ATP8A2: variants seen among roughly 807,000 people sequenced by gnomAD.
The protein encoded by ATP8A2 is ATPase phospholipid transporting 8A2.
In ATP8A2, 100 loss-of-function variants were observed where a neutral mutation model predicts 165.6. The observed-to-expected ratio is 0.60, with a 90% CI of 0.51 to 0.71. The LOEUF is 0.71. ATP8A2 is among the 30% of genes least tolerant of loss of function. The pLI, the probability that ATP8A2 is intolerant of heterozygous loss-of-function variation, is 0.00. For synonymous variants in ATP8A2, 543 were observed against 548.8 expected (o/e 0.99, Z 0.15); for missense variants, 1,227 against 1,479.5 (o/e 0.83, Z 2.80).
intron 33 of ATP8A2, among the ~76,000 whole-genome samples, chr13:25,917,026 A>G (rs964239676): frequency 4.6e-5 from 7 of 152,072 alleles, no homozygotes; most frequent in African/African-American, 2.4e-5. Context: ...TCTCACTTCA[A>G]AGTCCTTAAA....
At chr13:25,667,432 A>T (rs1331014778) in intron 24 of ATP8A2, among the ~76,000 whole-genome samples, 3 of 152,180 alleles carry the variant, frequency 2.0e-5, no homozygotes, top group East Asian at 3.9e-4. Context: ...ATTAATTTTC[A>T]TGAGAAAGGA....
intron 30 of ATP8A2, among the ~76,000 whole-genome samples, chr13:25,850,241 C>T (rs545401753): frequency 1.3e-5 from 2 of 152,298 alleles, no homozygotes; most frequent in East Asian, 1.9e-4. Flanking sequence ...CGGGTGTCTG[C>T]GAGGAAGAGC....
intron 24 of ATP8A2, among the ~76,000 whole-genome samples, chr13:25,648,691 G>A (rs898240467): frequency 1.3e-5 from 2 of 151,992 alleles, no homozygotes; most frequent in Admixed American, 6.6e-5. Context: ...AACAAAAATG[G>A]AATAGTTTTT....
At chr13:25,844,954 C>T (rs1352708088) in intron 30 of ATP8A2, among the ~76,000 whole-genome samples, 5 of 152,170 alleles carry the variant, frequency 3.3e-5, no homozygotes, top group Non-Finnish European at 7.3e-5. Context: ...GAAGGTATAT[C>T]GTTCATTCCC....
intron 35 of ATP8A2, among the ~76,000 whole-genome samples, chr13:26,000,785 C>A (rs1956617373): frequency 6.6e-6 from 1 of 151,762 alleles, no homozygotes; most frequent in African/African-American, 2.4e-5. Context: ...GCATCATTAC[C>A]AACAGCTCAT....
chr13:25,868,568 T>C (rs990377525), intron 33 of ATP8A2, among the ~76,000 whole-genome samples: 2 of 152,192 alleles, frequency 1.3e-5, no homozygotes, highest in African/African-American at 4.8e-5. Flanking sequence ...ATACATTTTG[T>C]GGAATAGTGA....
At chr13:25,544,902 A>G (rs1593502849) in intron 10 of ATP8A2, among the ~76,000 whole-genome samples, 1 of 138,470 alleles carries the variant, frequency 7.2e-6, no homozygotes, top group African/African-American at 2.7e-5. Flanking sequence ...CGTGAATTTT[A>G]TGAGTGAGTT....
At chr13:25,730,697 C>T (rs2043601615) in intron 25 of ATP8A2, among the ~76,000 whole-genome samples, 1 of 152,140 alleles carries the variant, frequency 6.6e-6, no homozygotes, top group South Asian at 2.1e-4. Flanking sequence ...GAATCCATGC[C>T]CAGTTTGCTT....
At chr13:25,872,988 C>T (rs1952717889) in intron 33 of ATP8A2, among the ~76,000 whole-genome samples, 2 of 151,970 alleles carry the variant, frequency 1.3e-5, no homozygotes, top group South Asian at 2.1e-4. Flanking sequence ...ATTTCAAGTA[C>T]TCAGTAGCAT....
At chr13:25,398,877 G>A (rs541722309) in intron 1 of ATP8A2, among the ~76,000 whole-genome samples, 9 of 150,594 alleles carry the variant, frequency 6.0e-5, no homozygotes, top group Middle Eastern at 3.4e-3. Flanking sequence ...GCTGTCTGCC[G>A]TAAAATGTTC....
intron 23 of ATP8A2, among the ~76,000 whole-genome samples, chr13:25,583,516 T>C (rs1030238766): frequency 6.6e-6 from 1 of 152,126 alleles, no homozygotes; most frequent in Non-Finnish European, 1.5e-5. Flanking sequence ...TTCAGTGTGT[T>C]CTTGGATGTG....
In ATP8A2 at chr13:25,900,540, T is replaced by A. The variant is rs186231487; in HGVS notation, c.3183+38132T>A. ...GGTGATAAAGGAATGAGTTGTCCAT[T>A]TCTCATTTTCCAGAGCTGATTTCTG... On this transcript the variant is annotated intron_variant, in intron 33 of 36. Transcript: ENST00000381655. 2.9e-4 allele frequency among the ~76,000 whole-genome samples: 44 copies of A among 152,248 alleles called. No homozygotes were observed. In the East Asian group the frequency reaches 8.5e-3, roughly 29 times the overall value.
intron 25 of ATP8A2, among the ~76,000 whole-genome samples, chr13:25,741,127 G>A (rs1009488784): frequency 4.6e-5 from 7 of 152,152 alleles, no homozygotes; most frequent in African/African-American, 1.2e-4. Flanking sequence ...TAGTTTTATC[G>A]GAAAAATCTT....
intron 33 of ATP8A2, among the ~76,000 whole-genome samples, chr13:25,900,382 G>A (rs1215349884): frequency 6.6e-6 from 1 of 152,172 alleles, no homozygotes; most frequent in Non-Finnish European, 1.5e-5. Context: ...TGCATCCTCT[G>A]AGAGTCAGCC....
At chr13:25,639,088 C>A (rs1308182748) in intron 24 of ATP8A2, among the ~76,000 whole-genome samples, 19 of 145,722 alleles carry the variant, frequency 1.3e-4, no homozygotes, top group African/African-American at 4.6e-4. Flanking sequence ...GCCTGCCCTA[C>A]AAGAGCTCCT....
chr13:25,941,553 C>T (rs74042217), intron 33 of ATP8A2, among the ~76,000 whole-genome samples: 2,350 of 152,256 alleles, frequency 0.015, 77 homozygotes, highest in African/African-American at 0.053. Flanking sequence ...TTCCAGAACC[C>T]GTGTGACTCT....
chr13:25,812,383 G>T, intron 27 of ATP8A2, among the ~76,000 whole-genome samples: 1 of 57,070 alleles, frequency 1.8e-5, no homozygotes, highest in Non-Finnish European at 3.8e-5. Context: ...ATGCTCTCCA[G>T]GAGGGCACCA....
chr13:25,952,550 A>AT (rs776692749), intron 33 of ATP8A2, among the ~76,000 whole-genome samples: 51 of 151,984 alleles, frequency 3.4e-4, no homozygotes, highest in Non-Finnish European at 5.9e-4. Context: ...AGCTATTTTT[A>AT]TTTTTTGTAG....
chr13:26,020,134 A>G lies in ATP8A2; in HGVS notation c.*149A>G. Reference sequence around the variant, plus strand: ...CTTAGCCAAGCAGTTTGTTAGTTACATATTCCCTCGCAAACCTGGAGTGCA... The same window carrying G: ...CTTAGCCAAGCAGTTTGTTAGTTACGTATTCCCTCGCAAACCTGGAGTGCA... On this transcript the variant is annotated 3_prime_UTR_variant, in exon 37 of 37. Transcript: ENST00000381655. The G allele has an allele frequency of 3.1e-6, 2 of 640,928 alleles. No individual in the cohort carries two copies. Among genetic ancestry groups the G allele is most frequent in the South Asian group, 1.9e-5 (1 of 52,048 alleles). The allele number at this position is 640,928 out of a possible 1,614,324, so 39.7% of individuals were successfully genotyped here. A position where few individuals can be genotyped will look rare whatever the true frequency, so the allele number is the denominator to read the frequency against.
Sources: gnomAD v4.1 joint callset for allele counts (sites outside exome capture counted in the v4.1 genomes callset) on GRCh38, gnomAD v4.1.1 for gene constraint, MANE v1.5 for transcripts, NCBI Gene and HGNC (gene_info 2026-07-23, HGNC 2026-07-21) for gene names.